The following MAP3K13 variants were observed in gnomAD, a reference collection of about 807,000 sequenced individuals.
MAP3K13 encodes the protein leucine zipper-bearing kinase.
A neutral mutation model predicts 104.0 loss-of-function variants in MAP3K13; 52 were observed. That is an observed-to-expected ratio of 0.50 (90% CI 0.40 to 0.63). The LOEUF (loss-of-function observed/expected upper bound fraction) is 0.63. Ranked by LOEUF, MAP3K13 falls within the 20% of genes least tolerant of loss-of-function variation. The pLI, the probability that MAP3K13 is intolerant of heterozygous loss-of-function variation, is 0.00. For synonymous variants in MAP3K13, 394 were observed against 442.2 expected (o/e 0.89, Z 1.37); for missense variants, 914 against 1,218.5 (o/e 0.75, Z 3.72).
At chr3:185,284,443 C>T (rs1230485866) in intron 1 of MAP3K13, among the ~76,000 whole-genome samples, 1 of 152,134 alleles carries the variant, frequency 6.6e-6, no homozygotes, top group Non-Finnish European at 1.5e-5. Context: ...GGGCCGGGCA[C>T]GGTGGCTCAC....
intron 2 of MAP3K13, among the ~76,000 whole-genome samples, chr3:185,436,623 G>A (rs1034236133): frequency 6.6e-6 from 1 of 152,184 alleles, no homozygotes; most frequent in Non-Finnish European, 1.5e-5. Context: ...CTATGCTAGT[G>A]TATGGTATAT....
At chr3:185,472,425 A>C (rs572747303) in intron 10 of MAP3K13, among the ~76,000 whole-genome samples, 53 of 151,770 alleles carry the variant, frequency 3.5e-4, no homozygotes, top group African/African-American at 1.3e-3. Context: ...GTTGGCCAGG[A>C]TGGTCTCGAT....
At chr3:185,362,161 A>G (rs1290070088), upstream of MAP3K13, among the ~76,000 whole-genome samples, 2 of 152,204 alleles carry the variant, frequency 1.3e-5, no homozygotes, top group East Asian at 1.9e-4. Context: ...TTCTAGTTTC[A>G]AGGATTGAGG....
At chr3:185,300,808 G>A (rs1721079924) in intron 2 of MAP3K13, among the ~76,000 whole-genome samples, 1 of 152,080 alleles carries the variant, frequency 6.6e-6, no homozygotes, top group African/African-American at 2.4e-5. Context: ...CTTTTTTAAG[G>A]CTGAATAATA....
chr3:185,362,568 C>T (rs1328557208), upstream of MAP3K13, among the ~76,000 whole-genome samples: 1 of 152,120 alleles, frequency 6.6e-6, no homozygotes, highest in Admixed American at 6.5e-5. Context: ...CAGCTACATT[C>T]GTGTAATATT....
chr3:185,378,813 G>A (rs967613396), intron 1 of MAP3K13, among the ~76,000 whole-genome samples: 2 of 152,082 alleles, frequency 1.3e-5, no homozygotes, highest in Non-Finnish European at 2.9e-5. Context: ...CCCATTTTTT[G>A]ACAAAAATTA....
At chr3:185,399,303 T>G (rs1214192367) in intron 1 of MAP3K13, among the ~76,000 whole-genome samples, 1 of 151,916 alleles carries the variant, frequency 6.6e-6, no homozygotes, top group Non-Finnish European at 1.5e-5. Context: ...TCTCCTGACC[T>G]GAATATAAAA....
intron 1 of MAP3K13, among the ~76,000 whole-genome samples, chr3:185,382,117 C>T (rs1308693199): frequency 6.6e-6 from 1 of 152,150 alleles, no homozygotes; most frequent in African/African-American, 2.4e-5. Context: ...CCTGAAACTG[C>T]AGATAGTATC....
At chr3:185,333,710 A>G (rs1008545514) in intron 2 of MAP3K13, among the ~76,000 whole-genome samples, 8 of 152,256 alleles carry the variant, frequency 5.3e-5, no homozygotes, top group Admixed American at 4.6e-4. Flanking sequence ...CCTGGGCAAC[A>G]TAGCAAGACT....
At chr3:185,385,275 C>T (rs554335572) in intron 1 of MAP3K13, among the ~76,000 whole-genome samples, 10 of 152,208 alleles carry the variant, frequency 6.6e-5, no homozygotes, top group Middle Eastern at 3.4e-3. Context: ...CTCAGCCTCC[C>T]GAGTGGCTGG....
chr3:185,298,245 G>A (rs1052503576), intron 2 of MAP3K13, among the ~76,000 whole-genome samples: 2 of 151,796 alleles, frequency 1.3e-5, no homozygotes, highest in African/African-American at 4.8e-5. Context: ...TACATTTGAA[G>A]TCACATCTGT....
intron 1 of MAP3K13, among the ~76,000 whole-genome samples, chr3:185,410,697 G>A (rs1466845356): frequency 6.6e-6 from 1 of 152,134 alleles, no homozygotes; most frequent in African/African-American, 2.4e-5. Context: ...CACTTTGGGA[G>A]GCCGAGGTGG....
chr3:185,288,489 G>A (rs1374238719), intron 2 of MAP3K13, among the ~76,000 whole-genome samples: 1 of 144,944 alleles, frequency 6.9e-6, no homozygotes, highest in Non-Finnish European at 1.5e-5. Context: ...ATATATGTGT[G>A]TGTATATATA....
intron 2 of MAP3K13, among the ~76,000 whole-genome samples, chr3:185,343,007 G>A (rs775003722): frequency 1.3e-5 from 2 of 151,852 alleles, no homozygotes; most frequent in Non-Finnish European, 2.9e-5. Context: ...TCTCCCTGTT[G>A]GCTAAAGTCT....
intron 7 of MAP3K13, among the ~76,000 whole-genome samples, chr3:185,455,532 A>ACATATATATGATATAT (rs1473879835): frequency 3.2e-5 from 1 of 31,046 alleles, no homozygotes; most frequent in Non-Finnish European, 8.3e-5. Context: ...GATATATATG[A>ACATATATATGATATAT]GATATATATG....
chr3:185,414,195 AG>A (rs1302319405), intron 1 of MAP3K13, among the ~76,000 whole-genome samples: 4 of 152,142 alleles, frequency 2.6e-5, no homozygotes, highest in Non-Finnish European at 5.9e-5. Flanking sequence ...CCTTTCCCAA[AG>A]GGTTGATGTG....
rs1560118223 is a variant in MAP3K13 at position 185,455,047 on chromosome 3, TGAGATATATGTGA to T, written c.1278+3655_1278+3667del. The stretch of plus-strand genomic sequence containing the variant: ...ATATGAGATATATATGATATATATA[TGAGATATATGTGA>T]GATATATATGAGATATATGTGAGAT... On this transcript the variant is annotated intron_variant, in intron 7 of 13. Transcript: ENST00000265026. Among the ~76,000 whole-genome samples the T allele has an allele frequency of 2.2e-4, 20 of 91,284 alleles. 1 individual carries two copies. The highest frequency in any genetic ancestry group is 3.1e-4 in the Non-Finnish European group (15 of 48,214). The allele number at this position is 91,284 out of a possible 152,430, so 59.9% of individuals were successfully genotyped here.
intron 1 of MAP3K13, among the ~76,000 whole-genome samples, chr3:185,419,361 A>G (rs1713991270): frequency 6.6e-6 from 1 of 152,228 alleles, no homozygotes; most frequent in African/African-American, 2.4e-5. Flanking sequence ...AGCTTTCCTG[A>G]CAGTATCCTT....
chr3:185,380,509 C>CAAAA (rs564011110), intron 1 of MAP3K13, among the ~76,000 whole-genome samples: 3 of 85,642 alleles, frequency 3.5e-5, no homozygotes, highest in Admixed American at 1.3e-4. Context: ...GACTCCATCT[C>CAAAA]AAAAAAAAAA....
Sources: allele counts gnomAD v4.1 joint callset (sites outside exome capture counted in the v4.1 genomes callset), GRCh38; gene constraint gnomAD v4.1.1; transcripts MANE v1.5; gene names NCBI Gene and HGNC (gene_info 2026-07-23, HGNC 2026-07-21).